Variants in RANBP9 observed in about 807,000 individuals in gnomAD.
RANBP9 encodes the protein RAN binding protein 9.
A neutral mutation model predicts 84.3 loss-of-function variants in RANBP9; 15 were observed. The ratio of observed to expected loss-of-function variants is 0.18; its 90% CI spans 0.12 to 0.27. RANBP9 has a LOEUF of 0.27. RANBP9 is among the 10% of genes least tolerant of loss of function. The probability of loss-of-function intolerance (pLI) is 1.00; values close to 1 mark genes in which losing one functional copy is unlikely to be tolerated. For synonymous variants in RANBP9, 392 were observed against 349.6 expected (o/e 1.12, Z -1.35); for missense variants, 809 against 912.8 (o/e 0.89, Z 1.46).
At chr6:13,681,101 G>A (rs1387614737) in intron 2 of RANBP9, among the ~76,000 whole-genome samples, 2 of 152,080 alleles carry the variant, frequency 1.3e-5, no homozygotes, top group Admixed American at 6.5e-5. Context: ...AAAAAGCAAT[G>A]ACCTACTGAT....
At chr6:13,681,039 T>C (rs1488993740) in intron 2 of RANBP9, among the ~76,000 whole-genome samples, 1 of 152,186 alleles carries the variant, frequency 6.6e-6, no homozygotes, top group Non-Finnish European at 1.5e-5. Flanking sequence ...GCAAATGTTA[T>C]ATGCTCATAA....
intron 2 of RANBP9, among the ~76,000 whole-genome samples, chr6:13,661,531 T>C (rs1252305686): frequency 6.6e-6 from 1 of 151,784 alleles, no homozygotes; most frequent in East Asian, 1.9e-4. Context: ...ATAAAATAAA[T>C]GGCTGGAACA....
At chr6:13,657,389 T>C in intron 3 of RANBP9, 113 bp from the exon 4 acceptor site, 1 of 743,976 alleles carries the variant, frequency 1.3e-6, no homozygotes, top group Non-Finnish European at 2.0e-6. Flanking sequence ...AAAGATGAAA[T>C]TCCCAATGTA....
At chr6:13,671,716 G>T (rs1181872652) in intron 2 of RANBP9, among the ~76,000 whole-genome samples, 3 of 152,040 alleles carry the variant, frequency 2.0e-5, no homozygotes, top group African/African-American at 7.2e-5. Flanking sequence ...ATAACTCTGT[G>T]AATATAGTAA....
intron 12 of RANBP9, among the ~76,000 whole-genome samples, chr6:13,630,185 A>G (rs1051544942): frequency 4.6e-5 from 7 of 152,138 alleles, no homozygotes; most frequent in African/African-American, 1.7e-4. Context: ...AAGTTTGGGA[A>G]ATGAGATGGA....
intron 1 of RANBP9, among the ~76,000 whole-genome samples, chr6:13,703,823 TTC>T (rs1164484174): frequency 6.6e-6 from 1 of 152,232 alleles, no homozygotes; most frequent in African/African-American, 2.4e-5. Context: ...CCTGTTCCTG[TTC>T]TTTCTGTAAG....
intron 12 of RANBP9, among the ~76,000 whole-genome samples, chr6:13,626,107 C>T (rs1009359899): frequency 6.6e-6 from 1 of 152,062 alleles, no homozygotes; most frequent in African/African-American, 2.4e-5. Context: ...CAATTTATTA[C>T]TACTGATATG....
rs180690533 is a variant in RANBP9 at position 13,682,264 on chromosome 6, A to T, written c.683+14521T>A. Among the ~76,000 whole-genome samples the T allele has an allele frequency of 1.1e-3, 164 of 152,282 alleles. 2 individuals carry two copies. The highest frequency in any genetic ancestry group is 3.8e-3 in the African/African-American group (158 of 41,548). On this transcript the variant is annotated intron_variant, in intron 2 of 13. Transcript: ENST00000011619. ...TCCCTAAGAATGGAAGATAATTTTA[A>T]GTAAGTGAAACTAGTATATATCAAG... is the stretch of plus-strand genomic sequence containing the variant.
chr6:13,685,742 A>G (rs1766158807), intron 2 of RANBP9, among the ~76,000 whole-genome samples: 2 of 152,154 alleles, frequency 1.3e-5, no homozygotes, highest in South Asian at 4.1e-4. Flanking sequence ...ATCCTGGCCA[A>G]CATGGTGAAA....
At chr6:13,627,807 A>G (rs1175173557) in intron 12 of RANBP9, among the ~76,000 whole-genome samples, 9 of 152,148 alleles carry the variant, frequency 5.9e-5, no homozygotes, top group Non-Finnish European at 1.3e-4. Flanking sequence ...CTTCAAGTAC[A>G]AAACTATATT....
chr6:13,711,450 AGCTGCT>A lies in RANBP9; in HGVS notation c.50_55del (p.Gln17_Gln18del). 8.2e-7 allele frequency: 1 copy of A among 1,215,762 alleles called. No homozygotes were observed. Among genetic ancestry groups the A allele is most frequent in the Non-Finnish European group, 1.0e-6 (1 of 976,952 alleles). 75.3% of individuals were successfully genotyped at this position (1,215,762 alleles called of 1,614,324 possible). A position where few individuals can be genotyped will look rare whatever the true frequency, so the allele number is the denominator to read the frequency against. On this transcript the variant is annotated inframe_deletion, in exon 1 of 14. Coordinates refer to ENST00000011619, the MANE Select transcript of RANBP9 (RefSeq NM_005493.3). ...CAAGGCCGCCGGCGGTGGCGGCGAC[AGCTGCT>A]GCTGCTGTTGCTGCTGCTGCGGCGG...
At position 13,658,847 on chromosome 6, in the gene RANBP9, T is replaced by C. The variant is rs204232; in HGVS notation, c.684-15A>G. On this transcript the variant is annotated splice_polypyrimidine_tract_variant and intron_variant, in intron 2 of 13. Coordinates refer to ENST00000011619, the MANE Select transcript of RANBP9 (RefSeq NM_005493.3). ...TTCCCATGTAACTGTTGGCGGAGGT[T>C]GGGGGAGAGAAGAAAAGGACATTAT... 44 of 1,554,970 alleles carry C rather than the reference T, an allele frequency of 2.8e-5. No homozygotes were observed. Among genetic ancestry groups the C allele is most frequent in the African/African-American group, 5.5e-5 (4 of 73,190 alleles).
At chr6:13,670,801 G>GAAAAAAAAAAAAAAAAAA (rs796204005) in intron 2 of RANBP9, among the ~76,000 whole-genome samples, 1 of 56,760 alleles carries the variant, frequency 1.8e-5, no homozygotes, top group African/African-American at 6.0e-5. Flanking sequence ...TTCCATCTTA[G>GAAAAAAAAAAAAAAAAAA]AAAAAAAAAA....
intron 2 of RANBP9, among the ~76,000 whole-genome samples, chr6:13,688,077 A>C (rs1352791970): frequency 6.6e-6 from 1 of 152,194 alleles, no homozygotes; most frequent in East Asian, 1.9e-4. Context: ...GCTTCACACC[A>C]GGTACTCTAA....
At chr6:13,631,811 G>A (rs1037678892) in intron 12 of RANBP9, among the ~76,000 whole-genome samples, 1 of 152,126 alleles carries the variant, frequency 6.6e-6, no homozygotes, top group Admixed American at 6.5e-5. Context: ...GAATTAGATT[G>A]TATCCATCCT....
chr6:13,709,699 A>G (rs1035835391), intron 1 of RANBP9, among the ~76,000 whole-genome samples: 1 of 152,184 alleles, frequency 6.6e-6, no homozygotes, highest in Admixed American at 6.5e-5. Flanking sequence ...AACAAGGCCT[A>G]TTTTTGTGCG....
chr6:13,710,996 G>A lies in RANBP9; in HGVS notation c.510C>T (p.Ser170=), dbSNP rs373449856. ...CGATGTAGCTGAACTTGTCCTTCGG[G>A]CTCCAGGACCGAGGCAGCGGCGTCT... The part of the protein sequence containing the change: ...EQETPLPRSW[S]PKDKFSYIGL... Residue 170 remains serine (S), a synonymous_variant, in exon 1 of 14, where the codon AGC becomes AGT. Transcript: ENST00000011619. 8.7e-6 allele frequency: 14 copies of A among 1,609,200 alleles called. No homozygotes were observed. The highest frequency in any genetic ancestry group is 1.3e-5 in the African/African-American group (1 of 74,750).
chr6:13,636,809 G>A (rs1038383000), intron 10 of RANBP9, among the ~76,000 whole-genome samples: 1 of 151,962 alleles, frequency 6.6e-6, no homozygotes, highest in Non-Finnish European at 1.5e-5. Flanking sequence ...TTTTTGTCAC[G>A]TGTGACAGAC....
chr6:13,656,371 G>C (rs1765401539), intron 4 of RANBP9, among the ~76,000 whole-genome samples: 1 of 151,028 alleles, frequency 6.6e-6, no homozygotes, highest in Admixed American at 6.6e-5. Context: ...AAAAGCATCA[G>C]TGTTATTATC....
Sources: allele counts gnomAD v4.1 joint callset (sites outside exome capture counted in the v4.1 genomes callset), GRCh38; gene constraint gnomAD v4.1.1; transcripts MANE v1.5; gene names NCBI Gene and HGNC (gene_info 2026-07-23, HGNC 2026-07-21).